The following ACVRL1 variants were observed in gnomAD, a reference collection of about 807,000 sequenced individuals.
ACVRL1 encodes activin A receptor like type 1, also known as activin receptor type-1-like.
A neutral mutation model predicts 51.9 loss-of-function variants in ACVRL1; 20 were observed. The observed-to-expected ratio is 0.39, with a 90% confidence interval of 0.27 to 0.56. ACVRL1 has a LOEUF of 0.56. ACVRL1 is among the 20% of genes least tolerant of loss of function. The pLI is 0.67. For missense variants in ACVRL1, 451 were observed against 670.3 expected, an observed-to-expected ratio of 0.67 and a Z score of 3.61; for synonymous variants, 288 against 280.9, an observed-to-expected ratio of 1.03 and a Z score of -0.25.
intron 4 of ACVRL1, 84 bp downstream of exon 4, chr12:51,913,854 G>A: frequency 6.3e-7 from 1 of 1,579,198 alleles, no homozygotes; most frequent in Non-Finnish European, 8.6e-7. Flanking sequence ...AGAGATTAGA[G>A]CCGGTGGGGA....
intron 1 of ACVRL1, among the ~76,000 whole-genome samples, chr12:51,908,783 A>G (rs1190369654): frequency 6.6e-6 from 1 of 152,240 alleles, no homozygotes; most frequent in Non-Finnish European, 1.5e-5. Context: ...TAAGCCTCAG[A>G]AAGTTTAAGT....
chr12:51,912,203 G>A (rs1940704840), intron 1 of ACVRL1: 1 of 605,902 alleles, frequency 1.7e-6, no homozygotes. Flanking sequence ...AGCAGCAGGA[G>A]TGCAGAGCTA....
chr12:51,920,694 C>A, intron 9 of ACVRL1, 65 bp from the exon 10 acceptor site: 2 of 1,583,700 alleles, frequency 1.3e-6, no homozygotes, highest in Non-Finnish European at 1.7e-6. Flanking sequence ...CTCTCCCGAC[C>A]CCCTCCTCTT....
At chr12:51,913,864 A>G in intron 4 of ACVRL1, 94 bp downstream of exon 4, 1 of 1,570,470 alleles carries the variant, frequency 6.4e-7, no homozygotes, top group East Asian at 2.3e-5. Flanking sequence ...GCCGGTGGGG[A>G]GCTGGGCGAG....
rs1043140850 is a variant in ACVRL1, at chr12:51,907,859, C to T, written c.-6+164C>T. Among the ~76,000 whole-genome samples the T allele has an allele frequency of 6.6e-6, 1 of 152,226 alleles. No individual in the cohort carries two copies. The highest frequency in any genetic ancestry group is 2.4e-5 in the African/African-American group (1 of 41,458). On this transcript the variant is annotated intron_variant, in intron 1 of 9. Coordinates refer to ENST00000388922, the MANE Select transcript of ACVRL1 (RefSeq NM_000020.3). This position sits in a 1 kb window ranked among gnomAD's most constrained non-coding sequence, Gnocchi z 4.5. Reference sequence around the variant, plus strand: ...TGCTCCTGGCTGACCACGCACAGCTCCCATGACCCTACCTGAGACTTGGAG... The same window carrying T: ...TGCTCCTGGCTGACCACGCACAGCTTCCATGACCCTACCTGAGACTTGGAG...
intron 9 of ACVRL1, among the ~76,000 whole-genome samples, chr12:51,920,346 C>T (rs2139088054): frequency 6.6e-6 from 1 of 152,270 alleles, no homozygotes; most frequent in Non-Finnish European, 1.5e-5. Flanking sequence ...AAGAATCGGC[C>T]CCTTCCTATG....
Position 51,913,194 on chromosome 12 carries a change from G to C in ACVRL1, c.157G>C (p.Val53Leu), listed in dbSNP as rs571079237. The C allele has an allele frequency of 3.8e-6, 6 of 1,595,646 alleles. No individual in the cohort carries two copies. In the Admixed American group the frequency reaches 5.3e-5, roughly 14 times the overall value. Reference sequence around the variant, plus strand: ...TACCTGCCGGGGGGCCTGGTGCACAGTAGTGCTGGTGCGGGAGGAGGGGAG... The same window carrying C: ...TACCTGCCGGGGGGCCTGGTGCACACTAGTGCTGGTGCGGGAGGAGGGGAG... ...GPTCRGAWCT[V>L]VLVREEGRHP... is the part of the protein sequence containing the mutation. The change falls in exon 3 of 10, where the codon GTA (valine) becomes CTA (leucine). Residue 53 changes from valine (V) to leucine (L), a missense_variant. Transcript: ENST00000388922.
At chr12:51,908,241 G>A (rs571598513) in intron 1 of ACVRL1, among the ~76,000 whole-genome samples, 29 of 152,252 alleles carry the variant, frequency 1.9e-4, no homozygotes, top group African/African-American at 7.0e-4. Context: ...CAGGCCAAAG[G>A]GGATCCCAGT....
chr12:51,916,699 TGCGATG>T (rs1796105086), intron 8 of ACVRL1, among the ~76,000 whole-genome samples: 1 of 152,180 alleles, frequency 6.6e-6, no homozygotes, highest in African/African-American at 2.4e-5. Context: ...GTAAAATGGG[TGCGATG>T]GCTCATGCCT....
intron 9 of ACVRL1, 126 bp from the exon 10 acceptor site, chr12:51,920,633 C>A: frequency 9.5e-7 from 1 of 1,056,156 alleles, no homozygotes. Flanking sequence ...CATTACCGGC[C>A]ATCCTCCTCA....
At position 51,915,210 on chromosome 12, in the gene ACVRL1, C is replaced by A; in HGVS notation, c.773-15C>A. 1 of 1,613,952 alleles carries A rather than the reference C, an allele frequency of 6.2e-7. No homozygotes were observed. Among genetic ancestry groups the A allele is most frequent in the Non-Finnish European group, 8.5e-7 (1 of 1,180,004 alleles). On this transcript the variant is annotated splice_polypyrimidine_tract_variant and intron_variant, in intron 6 of 9. Coordinates refer to ENST00000388922, the MANE Select transcript of ACVRL1 (RefSeq NM_000020.3). ...CCAGCCCCTTGGCTGAGTCACCCAA[C>A]CTTTCTGCACACAGGCTTCATCGCC...
chr12:51,907,061 C>T (rs369090024), upstream of ACVRL1: 946 of 151,888 alleles, frequency 6.2e-3, 7 homozygotes, highest in African/African-American at 0.021. The surrounding 1 kb of genome is among the most constrained non-coding windows in gnomAD (Gnocchi z 4.5). Flanking sequence ...CCCTTCCCGG[C>T]GCCCCGATTC....
intron 9 of ACVRL1, 122 bp downstream of exon 9, chr12:51,919,237 G>C (rs1258383278): frequency 3.4e-6 from 5 of 1,470,784 alleles, no homozygotes; most frequent in Non-Finnish European, 4.6e-6. Flanking sequence ...TCCTGGTTAG[G>C]GCACCTCTCT....
chr12:51,911,478 G>A (rs925495961), intron 1 of ACVRL1, among the ~76,000 whole-genome samples: 8 of 152,184 alleles, frequency 5.3e-5, no homozygotes, highest in African/African-American at 1.4e-4. Context: ...GAACAGCTCC[G>A]AGAGGGCAGC....
intron 7 of ACVRL1, 131 bp downstream of exon 7, chr12:51,915,631 C>T: frequency 8.1e-7 from 1 of 1,234,724 alleles, no homozygotes; most frequent in Non-Finnish European, 1.1e-6. Context: ...TTCAGTTCTC[C>T]TCCGCAAGAC....
intron 9 of ACVRL1, among the ~76,000 whole-genome samples, chr12:51,920,290 C>T (rs1940940684): frequency 6.6e-6 from 1 of 152,224 alleles, no homozygotes; most frequent in African/African-American, 2.4e-5. Flanking sequence ...GCCCTCTGCA[C>T]TGGGGTCTTA....
In ACVRL1 at chr12:51,917,963, T is replaced by C. The variant is rs547343236; in HGVS notation, c.1247-1022T>C. On this transcript the variant is annotated intron_variant, in intron 8 of 9. Transcript: ENST00000388922. This position sits in a 1 kb window ranked among gnomAD's most constrained non-coding sequence, Gnocchi z 4.2. ...CCCATTAGACACATTCAGGCCTCTG[T>C]GCAGCACTGATTAGGGCGTGAGCGG... Among the ~76,000 whole-genome samples the C allele has an allele frequency of 2.0e-5, 3 of 152,330 alleles. No individual in the cohort carries two copies. In the South Asian group the frequency reaches 6.2e-4, roughly 32 times the overall value.
rs923902145 is a variant in ACVRL1, at chr12:51,921,142, G to T, written c.*249G>T. On this transcript the variant is annotated 3_prime_UTR_variant, in exon 10 of 10. Transcript: ENST00000388922. ...GGCTCTCTCCCCACCCCTATGGCCA[G>T]CATGGTGCACCCCCTACCACTCCCG... The T allele has an allele frequency of 4.1e-5, 22 of 537,494 alleles. No homozygotes were observed. Among genetic ancestry groups the T allele is most frequent in the African/African-American group, 4.0e-4 (21 of 52,356 alleles). 33.3% of individuals were successfully genotyped at this position (537,494 alleles called of 1,614,324 possible). A position where few individuals can be genotyped will look rare whatever the true frequency, so the allele number is the denominator to read the frequency against.
chr12:51,916,355 C>A, intron 8 of ACVRL1, 122 bp downstream of exon 8: 1 of 1,021,942 alleles, frequency 9.8e-7, no homozygotes, highest in South Asian at 1.6e-5. Flanking sequence ...GCACCCCTTC[C>A]ATGCTGCCCA....
Sources: allele counts gnomAD v4.1 joint callset (sites outside exome capture counted in the v4.1 genomes callset), GRCh38; gene constraint gnomAD v4.1.1; non-coding constraint Gnocchi (gnomAD v3.1); transcripts MANE v1.5; gene names NCBI Gene and HGNC (gene_info 2026-07-23, HGNC 2026-07-21).